RGPD2: variants seen among roughly 807,000 people sequenced by gnomAD.
The protein encoded by RGPD2 is RANBP2 like and GRIP domain containing 2.
In RGPD2, 2 loss-of-function variants were observed where a neutral mutation model predicts 36.0. The ratio of observed to expected loss-of-function variants is 0.06; its 90% CI spans 0.02 to 0.17. RGPD2 has a LOEUF of 0.17. Ranked by LOEUF, RGPD2 falls within the 10% of genes least tolerant of loss-of-function variation. RGPD2 has a pLI of 1.00. For missense variants in RGPD2, 40 were observed against 464.3 expected (o/e 0.09, Z 8.40); for synonymous variants, 19 against 163.8 (o/e 0.12, Z 6.75).
intron 20 of RGPD2, among the ~76,000 whole-genome samples, chr2:87,777,340 T>TA (rs1228440144): frequency 2.1e-4 from 7 of 33,528 alleles, no homozygotes; most frequent in African/African-American, 5.5e-4. Flanking sequence ...ATAACACAGC[T>TA]CATAATATAG....
the RGPD2 span, among the ~76,000 whole-genome samples, chr2:87,831,039 G>A: frequency 2.6e-5 from 4 of 152,260 alleles, no homozygotes; most frequent in African/African-American, 4.8e-5. Flanking sequence ...AATAAAACAC[G>A]AGAAATATGT....
chr2:87,868,671 C>T, the RGPD2 span, among the ~76,000 whole-genome samples: 7 of 152,242 alleles, frequency 4.6e-5, no homozygotes, highest in South Asian at 2.1e-4. Flanking sequence ...TCCACAAAAA[C>T]GGCAAACATA....
At chr2:87,860,555 AGATG>A in the RGPD2 span, among the ~76,000 whole-genome samples, 1 of 150,184 alleles carries the variant, frequency 6.7e-6, no homozygotes, top group African/African-American at 2.5e-5. Flanking sequence ...TAATGGATGT[AGATG>A]TTATGAGTAG....
At chr2:87,915,329 A>C in the RGPD2 span, among the ~76,000 whole-genome samples, 1 of 111,378 alleles carries the variant, frequency 9.0e-6, no homozygotes, top group Admixed American at 9.5e-5. Flanking sequence ...TATTATATAT[A>C]TTGTATATAT....
the RGPD2 span, among the ~76,000 whole-genome samples, chr2:87,865,359 T>C: frequency 1.3e-5 from 2 of 151,720 alleles, no homozygotes; most frequent in African/African-American, 4.8e-5. Flanking sequence ...TTCACTTTAA[T>C]CTTAACAGAG....
the RGPD2 span, among the ~76,000 whole-genome samples, chr2:87,880,915 G>A: frequency 7.9e-5 from 9 of 114,106 alleles, no homozygotes; most frequent in East Asian, 1.9e-3. Context: ...TTACGATGGG[G>A]TACAATGGGG....
chr2:87,842,172 C>T, the RGPD2 span, among the ~76,000 whole-genome samples: 4 of 152,182 alleles, frequency 2.6e-5, no homozygotes, highest in Non-Finnish European at 5.9e-5. Context: ...CCCTCTCTCA[C>T]CACTCTTATT....
chr2:87,923,166 G>C, the RGPD2 span, among the ~76,000 whole-genome samples: 9 of 151,964 alleles, frequency 5.9e-5, no homozygotes, highest in African/African-American at 2.2e-4. Flanking sequence ...TCGTGGACTG[G>C]AGGGCAGGAG....
the RGPD2 span, among the ~76,000 whole-genome samples, chr2:87,877,070 T>C: frequency 6.6e-6 from 1 of 152,290 alleles, no homozygotes. Flanking sequence ...TTTTTCTCCA[T>C]CTCTTTATTT....
intron 19 of RGPD2, among the ~76,000 whole-genome samples, chr2:87,784,844 T>TCCA (rs1685531765): frequency 2.9e-5 from 2 of 69,942 alleles, no homozygotes; most frequent in African/African-American, 9.9e-5. Context: ...CGATGAAGGA[T>TCCA]CCACCACCAC....
At chr2:87,875,792 C>T in the RGPD2 span, among the ~76,000 whole-genome samples, 1 of 152,368 alleles carries the variant, frequency 6.6e-6, no homozygotes, top group Admixed American at 6.5e-5. Context: ...GAAACGGTAC[C>T]AGCTCTTCTT....
At chr2:87,918,026 C>T in the RGPD2 span, among the ~76,000 whole-genome samples, 2 of 113,618 alleles carry the variant, frequency 1.8e-5, no homozygotes, top group Admixed American at 1.7e-4. Context: ...GGACTTTTAA[C>T]CTTGGTAGTA....
the RGPD2 span, among the ~76,000 whole-genome samples, chr2:87,921,623 T>C: frequency 6.6e-6 from 1 of 152,192 alleles, no homozygotes; most frequent in African/African-American, 2.4e-5. Flanking sequence ...GTATATGGTA[T>C]CCTGGCTGTC....
At chr2:87,836,047 A>G in the RGPD2 span, among the ~76,000 whole-genome samples, 1 of 151,372 alleles carries the variant, frequency 6.6e-6, no homozygotes, top group Non-Finnish European at 1.5e-5. Flanking sequence ...AACTTGGAAA[A>G]CATATTTAAG....
the RGPD2 span, among the ~76,000 whole-genome samples, chr2:87,924,162 C>T: frequency 7.2e-6 from 1 of 138,550 alleles, no homozygotes; most frequent in Non-Finnish European, 1.6e-5. Flanking sequence ...CTGTTAAATC[C>T]TTGTTATTTG....
At chr2:87,830,351 A>AGATGGTC (rs1173538574), upstream of RGPD2, among the ~76,000 whole-genome samples, 5 of 152,354 alleles carry the variant, frequency 3.3e-5, no homozygotes, top group African/African-American at 1.2e-4. Flanking sequence ...TCCCAGCAAG[A>AGATGGTC]TCACCATCTA....
the RGPD2 span, among the ~76,000 whole-genome samples, chr2:87,973,446 G>A: frequency 1.5e-5 from 2 of 134,132 alleles, no homozygotes; most frequent in Non-Finnish European, 3.3e-5. Flanking sequence ...TCTTTCCCAT[G>A]GGGCTGTCTT....
chr2:87,930,837 T>G, the RGPD2 span, among the ~76,000 whole-genome samples: 51 of 150,046 alleles, frequency 3.4e-4, no homozygotes, highest in East Asian at 9.4e-3. Flanking sequence ...TTCCAGTTTT[T>G]TTTTTTTTTT....
At chr2:87,912,018 GA>G in the RGPD2 span, among the ~76,000 whole-genome samples, 1 of 151,766 alleles carries the variant, frequency 6.6e-6, no homozygotes, top group Non-Finnish European at 1.5e-5. Context: ...ACATATGTCT[GA>G]ATTTAAATTC....
Sources: allele counts gnomAD v4.1 joint callset (sites outside exome capture counted in the v4.1 genomes callset), GRCh38; gene constraint gnomAD v4.1.1; transcripts MANE v1.5; gene names NCBI Gene and HGNC (gene_info 2026-07-23, HGNC 2026-07-21).